KLHL26: variants seen among roughly 807,000 people sequenced by gnomAD.
KLHL26 encodes the protein kelch like family member 26, also known as kelch-like protein 26.
KLHL26 carries 4 observed loss-of-function variants against 7.1 expected under a neutral mutation model. That is an observed-to-expected ratio of 0.56 (90% confidence interval 0.28 to 1.28). KLHL26 has a LOEUF of 1.28. KLHL26 is among the 50% of genes most tolerant of loss of function. The pLI is 0.11. For missense variants in KLHL26, 896 were observed against 924.6 expected (o/e 0.97, Z 0.40); for synonymous variants, 465 against 414.1 (o/e 1.12, Z -1.49).
At chr19:18,664,480 G>A in intron 2 of KLHL26, 37 bp downstream of exon 2, 1 of 1,512,624 alleles carries the variant, frequency 6.6e-7, no homozygotes, top group Non-Finnish European at 8.9e-7. Context: ...AGGGGCGGCT[G>A]CCTGTTGGGA....
At chr19:18,647,622 AGAGGAGGAGGAAGAGAG>A (rs1190396384) in intron 1 of KLHL26, among the ~76,000 whole-genome samples, 3 of 150,390 alleles carry the variant, frequency 2.0e-5, no homozygotes, top group East Asian at 3.9e-4. Flanking sequence ...AAGAGGAGGA[AGAGGAGGAGGAAGAGAG>A]GAGGAGGAGG....
chr19:18,639,874 C>T (rs1243632012), intron 1 of KLHL26, among the ~76,000 whole-genome samples: 3 of 152,056 alleles, frequency 2.0e-5, no homozygotes, highest in African/African-American at 7.2e-5. Context: ...CTTTCACTCT[C>T]TGTAGCTTTG....
At chr19:18,647,613 AGAG>A (rs376697002) in intron 1 of KLHL26, among the ~76,000 whole-genome samples, 3 of 150,608 alleles carry the variant, frequency 2.0e-5, no homozygotes, top group African/African-American at 7.3e-5. Context: ...GAGGAGAAAA[AGAG>A]GAGGAAGAGG....
At position 18,664,407 on chromosome 19, in the gene KLHL26, A is replaced by C; in HGVS notation, c.230A>C (p.His77Pro). The part of the protein sequence containing the change: ...LTINREAFPA[H>P]KVVLAACSDY... Reference sequence around the variant, plus strand: ...ATTAACAGAGAGGCCTTTCCTGCACACAAGGTCGTCCTGGCTGCCTGCAGC... The same window carrying C: ...ATTAACAGAGAGGCCTTTCCTGCACCCAAGGTCGTCCTGGCTGCCTGCAGC... The change falls in exon 2 of 3, where the codon CAC becomes CCC. Residue 77 changes from histidine to proline, a missense_variant. By Grantham distance (77) the His-to-Pro change is moderately conservative (BLOSUM62 -2). Transcript: ENST00000300976. 2 of 1,600,326 alleles carry C rather than the reference A, an allele frequency of 1.2e-6. No homozygotes were observed. The highest frequency in any genetic ancestry group is 1.7e-6 in the Non-Finnish European group (2 of 1,173,862).
chr19:18,639,598 C>T (rs1048683571), intron 1 of KLHL26, among the ~76,000 whole-genome samples: 19 of 150,888 alleles, frequency 1.3e-4, no homozygotes, highest in Admixed American at 3.3e-4. Flanking sequence ...TTAGTAGAGA[C>T]GGGGTTTTGC....
chr19:18,666,142 G>T (rs769667095), intron 2 of KLHL26, among the ~76,000 whole-genome samples: 31 of 152,224 alleles, frequency 2.0e-4, no homozygotes, highest in South Asian at 1.2e-3. Flanking sequence ...GTGGACCCGT[G>T]GGGACAAGCG....
intron 1 of KLHL26, among the ~76,000 whole-genome samples, chr19:18,658,485 C>G (rs949457230): frequency 6.6e-6 from 1 of 152,004 alleles, no homozygotes. Flanking sequence ...CCTTGTCTCT[C>G]TGGGTCTCTG....
chr19:18,658,440 A>C (rs1399415957), intron 1 of KLHL26, among the ~76,000 whole-genome samples: 1 of 140,002 alleles, frequency 7.1e-6, no homozygotes, highest in East Asian at 2.0e-4. Context: ...CCTTCCTTTC[A>C]CTGGCTCTCT....
Position 18,667,819 on chromosome 19 carries a change from T to C in KLHL26, c.422T>C (p.Val141Ala). 1 of 1,613,318 alleles carries C rather than the reference T, an allele frequency of 6.2e-7. No individual in the cohort carries two copies. Among genetic ancestry groups the C allele is most frequent in the African/African-American group, 1.3e-5 (1 of 75,030 alleles). Reference sequence around the variant, plus strand: ...GTGCAGGACGTGCTGGGCGCGGCCGTGTTCTTGCAGATGCTGCCCGTGGTG... The same window carrying C: ...GTGCAGGACGTGCTGGGCGCGGCCGCGTTCTTGCAGATGCTGCCCGTGGTG... ...DCVQDVLGAAVFLQMLPVVEL... is the reference protein window; with the variant it reads ...DCVQDVLGAAAFLQMLPVVEL... Residue 141 changes from valine to alanine, a missense_variant, in exon 3 of 3, where the codon GTG (valine) becomes GCG (alanine). Coordinates refer to ENST00000300976, the MANE Select transcript of KLHL26 (RefSeq NM_018316.3).
At chr19:18,661,558 A>G (rs369084937) in intron 1 of KLHL26, among the ~76,000 whole-genome samples, 3 of 152,076 alleles carry the variant, frequency 2.0e-5, no homozygotes, top group African/African-American at 7.2e-5. Context: ...TGCATGCAAC[A>G]TCTTCCCCAG....
In KLHL26 at chr19:18,650,130, G is replaced by A. The variant is rs953820868; in HGVS notation, c.83+12993G>A. The stretch of plus-strand genomic sequence containing the variant: ...GGGGGGTCACCCGAGGATCGAGGCC[G>A]AAGATGTTTACTGACGCCACAACTG... On this transcript the variant is annotated intron_variant, in intron 1 of 2. Transcript: ENST00000300976. The surrounding 1 kb of genome is among the most constrained non-coding windows in gnomAD (Gnocchi z 4.2). Among the ~76,000 whole-genome samples, 1 of 152,178 alleles carries A rather than the reference G, an allele frequency of 6.6e-6. No individual in the cohort carries two copies. Among genetic ancestry groups the A allele is most frequent in the African/African-American group, 2.4e-5 (1 of 41,436 alleles).
chr19:18,652,530 C>T (rs1344919724), intron 1 of KLHL26, among the ~76,000 whole-genome samples: 1 of 145,266 alleles, frequency 6.9e-6, no homozygotes, highest in Non-Finnish European at 1.5e-5. Context: ...GTGGAGGTTG[C>T]AGAGAGCTGA....
At position 18,637,126 on chromosome 19, in the gene KLHL26, G is replaced by A. The variant is rs946374134; in HGVS notation, c.72G>A (p.Glu24=). The A allele has an allele frequency of 3.0e-6, 4 of 1,353,816 alleles. No individual in the cohort carries two copies. Among genetic ancestry groups the A allele is most frequent in the Non-Finnish European group, 3.8e-6 (4 of 1,054,806 alleles). The allele number at this position is 1,353,816 out of a possible 1,614,324, so 83.9% of individuals were successfully genotyped here. Residue 24 remains glutamate, a synonymous_variant, in exon 1 of 3, where the codon GAG becomes GAA. Transcript: ENST00000300976. ...GGAFGAGPGP[E]RPNSTADKNG... is the part of the protein sequence containing the mutation. ...CTTTCGGCGCGGGCCCGGGCCCCGAGCGCCCGAACAGGTGAGACCCGGCCC... is the reference window on the plus strand; with the variant it reads ...CTTTCGGCGCGGGCCCGGGCCCCGAACGCCCGAACAGGTGAGACCCGGCCC...
rs2052495835 is a variant in KLHL26 at position 18,669,080 on chromosome 19, C to G, written c.1683C>G (p.Ile561Met). ...EAGCCLLERK[I>M]YIVGGYNWRL... ...GCTGCTGCCTGCTGGAGAGGAAGATCTACATCGTCGGGGGCTACAACTGGC... is the reference window on the plus strand; with the variant it reads ...GCTGCTGCCTGCTGGAGAGGAAGATGTACATCGTCGGGGGCTACAACTGGC... Residue 561 changes from isoleucine to methionine, a missense_variant, in exon 3 of 3, where the codon ATC becomes ATG. Transcript: ENST00000300976. 1.2e-6 allele frequency: 2 copies of G among 1,612,778 alleles called. No individual in the cohort carries two copies. The highest frequency in any genetic ancestry group is 2.2e-5 in the East Asian group (1 of 44,886).
intron 2 of KLHL26, among the ~76,000 whole-genome samples, chr19:18,666,714 G>GA (rs905031899): frequency 5.9e-5 from 9 of 152,304 alleles, no homozygotes; most frequent in African/African-American, 2.2e-4. Context: ...AGTCACCCCA[G>GA]CACAGCCTCC....
rs1024176289 is a variant in KLHL26, at chr19:18,656,879, G to A, written c.84-7382G>A. On this transcript the variant is annotated intron_variant, in intron 1 of 2. Transcript: ENST00000300976. The surrounding 1 kb of genome is among the most constrained non-coding windows in gnomAD (Gnocchi z 4.4). The stretch of plus-strand genomic sequence containing the variant: ...GAGAAAATCAGCATGTCAAGCAGGA[G>A]GGAGACACAGACAGCTGCACCCTGG... Among the ~76,000 whole-genome samples, 1 of 152,150 alleles carries A rather than the reference G, an allele frequency of 6.6e-6. No homozygotes were observed. The highest frequency in any genetic ancestry group is 1.5e-5 in the Non-Finnish European group (1 of 68,012).
intron 1 of KLHL26, among the ~76,000 whole-genome samples, chr19:18,658,105 CA>C (rs1383491976): frequency 1.2e-5 from 1 of 83,312 alleles, no homozygotes; most frequent in Non-Finnish European, 2.2e-5. Context: ...TGCTGGTGGC[CA>C]GGGGTGGGGG....
Position 18,667,977 on chromosome 19 carries a change from C to T in KLHL26, c.580C>T (p.Gln194Ter), listed in dbSNP as rs781031900. 1 of 1,608,522 alleles carries T rather than the reference C, an allele frequency of 6.2e-7. No individual in the cohort carries two copies. Among genetic ancestry groups the T allele is most frequent in the Non-Finnish European group, 8.5e-7 (1 of 1,179,974 alleles). ...VDAFTFRHFL[Q>*]IAEEEDFLRL... ...TGCCTTCACCTTCCGGCACTTCCTG[C>T]AGATCGCCGAGGAGGAGGATTTCCT... Residue 194 changes from glutamine (Q) to a stop codon, truncating the protein, a stop_gained, in exon 3 of 3, where the codon CAG becomes TAG. Coordinates refer to ENST00000300976, the MANE Select transcript of KLHL26 (RefSeq NM_018316.3). LOFTEE classifies it low-confidence loss of function (END_TRUNC).
rs1049942362 is a variant in KLHL26, at chr19:18,645,581, AG to A, written c.83+8446del. Among the ~76,000 whole-genome samples the A allele has an allele frequency of 1.3e-4, 20 of 152,096 alleles. 2 individuals are homozygous for A. ...GTAATCCCAGCACTTTGGGAGCCCA[AG>A]GCAGGCAGATTACAAGGTCCAGAGT... On this transcript the variant is annotated intron_variant, in intron 1 of 2. Transcript: ENST00000300976.
Sources: allele counts gnomAD v4.1 joint callset (sites outside exome capture counted in the v4.1 genomes callset), GRCh38; gene constraint gnomAD v4.1.1; non-coding constraint Gnocchi (gnomAD v3.1); transcripts MANE v1.5; gene names NCBI Gene and HGNC (gene_info 2026-07-23, HGNC 2026-07-21).